The following AFF2 variants were observed in gnomAD, a reference collection of about 807,000 sequenced individuals.
AFF2 encodes the protein AF4/FMR2 family member 2.
Under a neutral mutation model 76.9 loss-of-function variants are expected in AFF2, and 14 were observed. The ratio of observed to expected loss-of-function variants is 0.18; its 90% CI spans 0.12 to 0.28. The LOEUF (loss-of-function observed/expected upper bound fraction) is 0.28. Ranked by LOEUF, AFF2 falls within the 10% of genes least tolerant of loss-of-function variation. The probability of loss-of-function intolerance (pLI) is 1.00; values close to 1 mark genes in which losing one functional copy is unlikely to be tolerated. For missense variants in AFF2, 868 were observed against 1,001.1 expected (o/e 0.87, Z 1.79); for synonymous variants, 398 against 366.7 (o/e 1.09, Z -0.98).
intron 7 of AFF2, among the ~76,000 whole-genome samples, chrX:148,868,174 A>G (rs1228907297): frequency 1.8e-5 from 2 of 111,458 alleles, no homozygotes; most frequent in African/African-American, 6.5e-5. Flanking sequence ...TGATGCTGAC[A>G]CTGGATCCCA....
At chrX:148,659,157 T>C (rs1173263896) in intron 2 of AFF2, among the ~76,000 whole-genome samples, 1 of 112,134 alleles carries the variant, frequency 8.9e-6, no homozygotes, top group African/African-American at 3.2e-5. Flanking sequence ...AGTTTAGAAA[T>C]TCTTTTAATT....
At chrX:148,511,607 T>TTA (rs1188788442) in intron 1 of AFF2, among the ~76,000 whole-genome samples, 3 of 111,801 alleles carry the variant, frequency 2.7e-5, no homozygotes, top group Non-Finnish European at 5.7e-5. Flanking sequence ...TTACAGAGCA[T>TTA]TATGGCATAT....
chrX:148,712,728 C>G (rs1406211552), intron 3 of AFF2, among the ~76,000 whole-genome samples: 1 of 111,972 alleles, frequency 8.9e-6, no homozygotes, highest in African/African-American at 3.2e-5. Flanking sequence ...TATACTCATT[C>G]ATTCATTCAC....
intron 1 of AFF2, among the ~76,000 whole-genome samples, chrX:148,647,410 T>C (rs782467229): frequency 8.9e-6 from 1 of 111,956 alleles, no homozygotes; most frequent in Non-Finnish European, 1.9e-5. Context: ...GAGTATTAGC[T>C]TCATGAAATA....
At chrX:148,920,613 TGA>T (rs1557283086) in intron 9 of AFF2, among the ~76,000 whole-genome samples, 1 of 55,790 alleles carries the variant, frequency 1.8e-5, no homozygotes, top group Non-Finnish European at 3.5e-5. Flanking sequence ...GGTGTGTGTG[TGA>T]GTGTGCGTGT....
chrX:148,932,463 A>G lies in AFF2; in HGVS notation c.1398-21117A>G, dbSNP rs1348997693. Among the ~76,000 whole-genome samples, 7 of 111,939 alleles carry G rather than the reference A, an allele frequency of 6.3e-5. No homozygotes were observed. The South Asian group carries it at 1.5e-3, about 24-fold the overall frequency. Reference sequence around the variant, plus strand: ...CTAGATATGACTGCTAGCTCTTCCAATTATAACTTGTGATCACTGGCAAAC... The same window carrying G: ...CTAGATATGACTGCTAGCTCTTCCAGTTATAACTTGTGATCACTGGCAAAC... On this transcript the variant is annotated intron_variant, in intron 9 of 20. Transcript: ENST00000370460.
At chrX:148,770,085 A>G (rs1557268001) in intron 3 of AFF2, among the ~76,000 whole-genome samples, 1 of 111,604 alleles carries the variant, frequency 9.0e-6, no homozygotes, top group Non-Finnish European at 1.9e-5. Context: ...ATCAGTGATG[A>G]TGTGTGATGG....
chrX:148,942,531 T>A (rs1187954257), intron 9 of AFF2, among the ~76,000 whole-genome samples: 3 of 111,335 alleles, frequency 2.7e-5, no homozygotes, highest in Non-Finnish European at 5.7e-5. Flanking sequence ...AACATTGGAT[T>A]TGCGGCCAGG....
chrX:148,718,817 G>A (rs2055057087), intron 3 of AFF2, among the ~76,000 whole-genome samples: 1 of 111,162 alleles, frequency 9.0e-6, no homozygotes, highest in Non-Finnish European at 1.9e-5. Context: ...ACACACAGTA[G>A]GAGCATAGTT....
At chrX:148,611,143 C>G (rs988329040) in intron 1 of AFF2, among the ~76,000 whole-genome samples, 1 of 111,885 alleles carries the variant, frequency 8.9e-6, no homozygotes, top group African/African-American at 3.3e-5. Context: ...TAGATTTTCA[C>G]TTGTGTGAAT....
At chrX:148,864,302 A>G (rs2070882321) in intron 7 of AFF2, among the ~76,000 whole-genome samples, 1 of 112,185 alleles carries the variant, frequency 8.9e-6, no homozygotes, top group Non-Finnish European at 1.9e-5. Context: ...GAAAGGTGGA[A>G]AGGCTTCTCT....
chrX:148,857,499 T>C (rs782325747), intron 7 of AFF2, among the ~76,000 whole-genome samples: 119 of 111,977 alleles, frequency 1.1e-3, no homozygotes, highest in African/African-American at 3.1e-3. Flanking sequence ...ATTAACTTTA[T>C]AAAATAGAAT....
intron 7 of AFF2, among the ~76,000 whole-genome samples, chrX:148,849,131 G>A (rs782035989): frequency 1.8e-5 from 2 of 111,125 alleles, no homozygotes; most frequent in East Asian, 2.8e-4. Context: ...TGAAGCTGCC[G>A]GGGCTTGATG....
chrX:148,912,525 C>A (rs1292028802), intron 9 of AFF2, among the ~76,000 whole-genome samples: 1 of 111,991 alleles, frequency 8.9e-6, no homozygotes, highest in African/African-American at 3.2e-5. Context: ...ATGCTTATTA[C>A]CTGAGTGATG....
rs150280905 is a variant in AFF2, at chrX:148,710,081, C to G, written c.1041+47313C>G. Among the ~76,000 whole-genome samples the G allele has an allele frequency of 5.9e-3, 660 of 111,719 alleles. 4 individuals are homozygous for G. The highest frequency in any genetic ancestry group is 0.01 in the Non-Finnish European group (537 of 53,090). Reference sequence around the variant, plus strand: ...GGAAAAATCCCTTACTCAACAGATTCGGAAATGGAGACCCTGTTAAATAAA... The same window carrying G: ...GGAAAAATCCCTTACTCAACAGATTGGGAAATGGAGACCCTGTTAAATAAA... On this transcript the variant is annotated intron_variant, in intron 3 of 20. Transcript: ENST00000370460.
intron 3 of AFF2, among the ~76,000 whole-genome samples, chrX:148,806,892 G>C (rs965112908): frequency 1.8e-5 from 2 of 112,408 alleles, no homozygotes; most frequent in Non-Finnish European, 3.8e-5. Flanking sequence ...TAATTAAAAA[G>C]CACTTGCAGG....
At chrX:148,875,292 A>G (rs782500529) in intron 7 of AFF2, among the ~76,000 whole-genome samples, 5 of 112,574 alleles carry the variant, frequency 4.4e-5, no homozygotes, top group African/African-American at 1.6e-4. Flanking sequence ...GCTTGCAGAC[A>G]ATTGTGAATA....
At chrX:148,897,221 CTATATATATATA>C (rs1171086215) in intron 8 of AFF2, among the ~76,000 whole-genome samples, 5 of 23,442 alleles carry the variant, frequency 2.1e-4, no homozygotes, top group South Asian at 7.3e-3. Context: ...CCTTAGTCCA[CTATATATATATA>C]TATATATATA....
chrX:148,894,850 T>G (rs1457953957), intron 8 of AFF2, among the ~76,000 whole-genome samples: 2 of 110,865 alleles, frequency 1.8e-5, no homozygotes, highest in African/African-American at 6.6e-5. Flanking sequence ...ATGGAATCAA[T>G]CTAAATGTTC....
Sources: gnomAD v4.1 joint callset for allele counts (sites outside exome capture counted in the v4.1 genomes callset) on GRCh38, gnomAD v4.1.1 for gene constraint, MANE v1.5 for transcripts, NCBI Gene and HGNC (gene_info 2026-07-23, HGNC 2026-07-21) for gene names.